Variants in NAV2 observed in about 807,000 individuals in gnomAD.
NAV2 encodes neuron navigator 2.
In NAV2, 54 loss-of-function variants were observed where a neutral mutation model predicts 223.2. The ratio of observed to expected loss-of-function variants is 0.24; its 90% CI spans 0.19 to 0.30. The LOEUF (loss-of-function observed/expected upper bound fraction) is 0.30. NAV2 is among the 10% of genes least tolerant of loss of function. NAV2 has a pLI of 1.00. For synonymous variants in NAV2, 1,279 were observed against 1,239.3 expected (o/e 1.03, Z -0.67); for missense variants, 2,806 against 3,147.5 (o/e 0.89, Z 2.60).
chr11:19,633,598 C>T (rs1330074748), intron 1 of NAV2, among the ~76,000 whole-genome samples: 7 of 152,268 alleles, frequency 4.6e-5, no homozygotes, highest in South Asian at 2.1e-4. Flanking sequence ...GCCTGCCTGA[C>T]GGAGCTCGGG....
intron 1 of NAV2, among the ~76,000 whole-genome samples, chr11:19,672,280 G>A (rs1259022466): frequency 6.6e-6 from 1 of 152,126 alleles, no homozygotes; most frequent in Non-Finnish European, 1.5e-5. Context: ...GGATTTGTGT[G>A]GTTGTTTAAC....
In NAV2 at chr11:19,917,451, G is replaced by A. The variant is rs192434612; in HGVS notation, c.932-15725G>A. Among the ~76,000 whole-genome samples the A allele has an allele frequency of 2.6e-5, 4 of 152,108 alleles. No homozygotes were observed. In the East Asian group the frequency reaches 7.7e-4, roughly 29 times the overall value. On this transcript the variant is annotated intron_variant, in intron 6 of 37. Coordinates refer to ENST00000349880, the MANE Select transcript of NAV2 (RefSeq NM_145117.5). Reference sequence around the variant, plus strand: ...TGTTCTCCTAGGGCCTGAGTTTCTGGGCCAGGTGGCTTCTCAAGGAATTAT... The same window carrying A: ...TGTTCTCCTAGGGCCTGAGTTTCTGAGCCAGGTGGCTTCTCAAGGAATTAT...
At chr11:20,092,979 C>CCCCCCCCT in intron 28 of NAV2, 120 bp from the exon 29 acceptor site, 1 of 204,808 alleles carries the variant, frequency 4.9e-6, no homozygotes, top group Non-Finnish European at 1.1e-5. Flanking sequence ...CCCTACCCCC[C>CCCCCCCCT]CACCCCCTGC....
At chr11:19,422,542 T>G (rs59035659) in intron 1 of NAV2, among the ~76,000 whole-genome samples, 2,850 of 152,272 alleles carry the variant, frequency 0.019, 101 homozygotes, top group African/African-American at 0.065. Flanking sequence ...GCCTGATTCC[T>G]GTCCCAACAG....
upstream of NAV2, chr11:19,350,704 G>A (rs1590030449): frequency 1.9e-5 from 10 of 522,570 alleles, no homozygotes; most frequent in East Asian, 3.0e-4. Context: ...CAGACCTAAA[G>A]TAAAACCCCA....
intron 1 of NAV2, among the ~76,000 whole-genome samples, chr11:19,433,530 T>C (rs1456329923): frequency 1.6e-4 from 25 of 152,252 alleles, no homozygotes; most frequent in Admixed American, 1.6e-3. Flanking sequence ...GGACTGAATT[T>C]GGAAGGAGGC....
chr11:19,725,935 C>T (rs1290681687), intron 1 of NAV2, among the ~76,000 whole-genome samples: 2 of 152,198 alleles, frequency 1.3e-5, no homozygotes, highest in African/African-American at 4.8e-5. Context: ...TGTGAGGAAG[C>T]AGGCCATGGG....
chr11:19,576,998 A>G (rs1023873329), intron 1 of NAV2, among the ~76,000 whole-genome samples: 1 of 152,208 alleles, frequency 6.6e-6, no homozygotes, highest in African/African-American at 2.4e-5. Flanking sequence ...AGTATCTTAC[A>G]GCAGGAATTT....
intron 6 of NAV2, among the ~76,000 whole-genome samples, chr11:19,922,338 C>T (rs970570904): frequency 1.3e-5 from 2 of 152,052 alleles, no homozygotes; most frequent in African/African-American, 2.4e-5. Flanking sequence ...GTTCTTCTAC[C>T]GTTGCCTTTT....
intron 1 of NAV2, among the ~76,000 whole-genome samples, chr11:19,720,495 T>C (rs987304549): frequency 2.6e-5 from 4 of 152,136 alleles, no homozygotes; most frequent in Admixed American, 2.0e-4. Flanking sequence ...CTCAACACCT[T>C]CAGTGAATTT....
chr11:19,719,277 A>C (rs1590166923), intron 1 of NAV2, among the ~76,000 whole-genome samples: 2 of 152,324 alleles, frequency 1.3e-5, no homozygotes, highest in South Asian at 2.1e-4. Context: ...GATATTATTT[A>C]ATGTGAGGCA....
intron 1 of NAV2, among the ~76,000 whole-genome samples, chr11:19,716,025 C>T (rs541116495): frequency 6.6e-6 from 1 of 152,238 alleles, no homozygotes; most frequent in African/African-American, 2.4e-5. Flanking sequence ...GCCAGGGCTT[C>T]TCCCACAGTC....
At chr11:19,579,014 A>G (rs764245484) in intron 1 of NAV2, among the ~76,000 whole-genome samples, 4 of 152,206 alleles carry the variant, frequency 2.6e-5, no homozygotes, top group Non-Finnish European at 4.4e-5. Flanking sequence ...CTATCAGGGA[A>G]GTGATCAGTG....
chr11:19,758,880 C>T (rs1308282602), intron 1 of NAV2, among the ~76,000 whole-genome samples: 1 of 152,118 alleles, frequency 6.6e-6, no homozygotes, highest in Non-Finnish European at 1.5e-5. Context: ...ACTGCTTCTG[C>T]CCTTTTCCAC....
chr11:20,084,612 C>T (rs2060300554), intron 26 of NAV2, among the ~76,000 whole-genome samples: 1 of 152,148 alleles, frequency 6.6e-6, no homozygotes, highest in African/African-American at 2.4e-5. Flanking sequence ...CGGTTTGGCC[C>T]TGCAGTGCCC....
chr11:19,529,124 T>A (rs975243698), intron 1 of NAV2, among the ~76,000 whole-genome samples: 5 of 152,140 alleles, frequency 3.3e-5, no homozygotes, highest in Non-Finnish European at 5.9e-5. Flanking sequence ...ACTAAAAAAA[T>A]TAGATTTTTG....
chr11:19,610,301 A>G lies in NAV2; in HGVS notation c.76-222183A>G, dbSNP rs146836422. On this transcript the variant is annotated intron_variant, in intron 1 of 37. Transcript: ENST00000360655. ...AAGGATTTGAGGAGGCTTAAAATAT[A>G]TAAGTTAACAAAAGATAATAACCTA... 2.6e-3 allele frequency among the ~76,000 whole-genome samples: 395 copies of G among 152,252 alleles called. 5 individuals carry two copies. The highest frequency in any genetic ancestry group is 9.1e-3 in the African/African-American group (379 of 41,486).
intron 1 of NAV2, among the ~76,000 whole-genome samples, chr11:19,669,257 C>T (rs2048511460): frequency 6.6e-6 from 1 of 152,238 alleles, no homozygotes; most frequent in African/African-American, 2.4e-5. Context: ...CACCTACATG[C>T]ACTGTCACTC....
chr11:19,954,438 G>A (rs1417853466), intron 10 of NAV2, among the ~76,000 whole-genome samples: 1 of 152,118 alleles, frequency 6.6e-6, no homozygotes, highest in Non-Finnish European at 1.5e-5. Flanking sequence ...ATCCATGAGG[G>A]ATTGGTTTCA....
Sources: gnomAD v4.1 joint callset for allele counts (sites outside exome capture counted in the v4.1 genomes callset) on GRCh38, gnomAD v4.1.1 for gene constraint, MANE v1.5 for transcripts, NCBI Gene and HGNC (gene_info 2026-07-23, HGNC 2026-07-21) for gene names.